Variants in IPO11 observed in about 807,000 individuals in gnomAD.
IPO11 encodes importin-11.
In IPO11, 66 loss-of-function variants were observed where a neutral mutation model predicts 143.2. That is an observed-to-expected ratio of 0.46 (90% CI 0.38 to 0.57). The LOEUF is 0.57. Among genes scored for constraint, IPO11 ranks in the 20% least tolerant of loss-of-function variants. The probability of loss-of-function intolerance (pLI) is 0.00; values close to 1 mark genes in which losing one functional copy is unlikely to be tolerated. For missense variants in IPO11, 1,026 were observed against 1,141.0 expected (o/e 0.90, Z 1.45); for synonymous variants, 385 against 377.8 (o/e 1.02, Z -0.22).
chr5:62,434,073 C>T (rs1022807700), intron 1 of IPO11, among the ~76,000 whole-genome samples: 1 of 152,200 alleles, frequency 6.6e-6, no homozygotes, highest in African/African-American at 2.4e-5. Context: ...TCTCCAACTT[C>T]ATTTTCCGCC....
intron 29 of IPO11, among the ~76,000 whole-genome samples, chr5:62,605,962 C>G (rs897443347): frequency 9.2e-5 from 14 of 152,078 alleles, no homozygotes; most frequent in Non-Finnish European, 2.1e-4. Flanking sequence ...AACTCTTAGG[C>G]TCAAGAGATC....
chr5:62,480,251 A>G (rs1052604328), intron 9 of IPO11, among the ~76,000 whole-genome samples: 1 of 152,000 alleles, frequency 6.6e-6, no homozygotes, highest in Non-Finnish European at 1.5e-5. Context: ...ATGGTTGTAG[A>G]TGTGTGGTGT....
At chr5:62,615,997 A>G (rs1746115796) in intron 29 of IPO11, among the ~76,000 whole-genome samples, 1 of 137,708 alleles carries the variant, frequency 7.3e-6, no homozygotes, top group South Asian at 2.5e-4. Flanking sequence ...CATTTGGATT[A>G]TCTAGATAGG....
At chr5:62,432,058 A>T (rs937698524) in intron 1 of IPO11, among the ~76,000 whole-genome samples, 1 of 152,170 alleles carries the variant, frequency 6.6e-6, no homozygotes, top group Non-Finnish European at 1.5e-5. Flanking sequence ...CTCAGCCCGA[A>T]AAAACTGAAA....
intron 7 of IPO11, among the ~76,000 whole-genome samples, chr5:62,471,296 T>G (rs1745765447): frequency 6.6e-6 from 1 of 151,832 alleles, no homozygotes; most frequent in Non-Finnish European, 1.5e-5. Flanking sequence ...GGTCTTTGGG[T>G]CTCCCCTACT....
At chr5:62,463,706 A>T (rs1029817969) in intron 5 of IPO11, among the ~76,000 whole-genome samples, 6 of 151,874 alleles carry the variant, frequency 4.0e-5, no homozygotes, top group African/African-American at 1.5e-4. Context: ...GAACTTAGTT[A>T]TACCAAAAAT....
At chr5:62,546,489 C>T (rs552259256) in intron 24 of IPO11, among the ~76,000 whole-genome samples, 4 of 152,084 alleles carry the variant, frequency 2.6e-5, no homozygotes, top group Non-Finnish European at 4.4e-5. Flanking sequence ...AGGAGATATA[C>T]CTAATGTAAA....
At chr5:62,490,934 C>A (rs781333827) in intron 15 of IPO11, among the ~76,000 whole-genome samples, 1 of 152,020 alleles carries the variant, frequency 6.6e-6, no homozygotes, top group African/African-American at 2.4e-5. Context: ...CCAATTCTTA[C>A]GTTTTATATA....
intron 3 of IPO11, among the ~76,000 whole-genome samples, chr5:62,448,851 G>A (rs772203445): frequency 4.6e-5 from 7 of 152,244 alleles, no homozygotes; most frequent in East Asian, 1.9e-4. Flanking sequence ...GAGCCACGAC[G>A]GCTGGCCCTT....
intron 27 of IPO11, among the ~76,000 whole-genome samples, chr5:62,590,411 A>G (rs905121602): frequency 3.3e-5 from 5 of 152,194 alleles, no homozygotes; most frequent in African/African-American, 1.2e-4. Flanking sequence ...TTTAGTGCCT[A>G]AAAACTTGTT....
In IPO11 at chr5:62,547,299, A is replaced by G. The variant is rs554823587; in HGVS notation, c.2251-3068A>G. ...GTTATAGGACCTGGCATTTTTCACT[A>G]TAAGAGAAATAATATCGGACCATTT... On this transcript the variant is annotated intron_variant, in intron 24 of 29. Coordinates refer to ENST00000325324, the MANE Select transcript of IPO11 (RefSeq NM_016338.5). Among the ~76,000 whole-genome samples, 37 of 152,302 alleles carry G rather than the reference A, an allele frequency of 2.4e-4. No individual in the cohort carries two copies. In the South Asian group the frequency reaches 3.1e-3, roughly 13 times the overall value.
At chr5:62,534,874 T>A (rs185463538) in intron 22 of IPO11, among the ~76,000 whole-genome samples, 4 of 152,150 alleles carry the variant, frequency 2.6e-5, no homozygotes, top group African/African-American at 9.7e-5. Flanking sequence ...ACCTATCTAT[T>A]GCATGATTGA....
chr5:62,614,862 G>A (rs564227507), intron 29 of IPO11, among the ~76,000 whole-genome samples: 1 of 152,156 alleles, frequency 6.6e-6, no homozygotes, highest in African/African-American at 2.4e-5. Flanking sequence ...TGAATGTGGG[G>A]GTTTTATTGA....
intron 20 of IPO11, among the ~76,000 whole-genome samples, chr5:62,516,839 C>G (rs1742040019): frequency 6.6e-6 from 1 of 151,664 alleles, no homozygotes; most frequent in Non-Finnish European, 1.5e-5. Flanking sequence ...CTCTTTTTAT[C>G]TTGTAAAACT....
chr5:62,438,830 C>T (rs1010729504), intron 2 of IPO11, among the ~76,000 whole-genome samples: 3 of 151,872 alleles, frequency 2.0e-5, no homozygotes, highest in Non-Finnish European at 4.4e-5. Flanking sequence ...GAGGCCAAGG[C>T]GGGCGAATCA....
chr5:62,418,876 C>T, intron 1 of IPO11: 2 of 996,822 alleles, frequency 2.0e-6, no homozygotes, highest in South Asian at 1.8e-5. Context: ...GCAGGGGTTT[C>T]TGTGATTATA....
intron 20 of IPO11, among the ~76,000 whole-genome samples, chr5:62,522,744 G>C (rs1421432930): frequency 6.6e-6 from 1 of 152,128 alleles, no homozygotes; most frequent in East Asian, 1.9e-4. Flanking sequence ...CCCTGTTCTT[G>C]ATTACCTGGT....
chr5:62,468,341 G>A (rs1477345860), intron 6 of IPO11, among the ~76,000 whole-genome samples: 1 of 152,192 alleles, frequency 6.6e-6, no homozygotes, highest in African/African-American at 2.4e-5. Flanking sequence ...AATCCCATCA[G>A]TCTTGGCATC....
At chr5:62,472,262 A>T (rs1403861074) in intron 7 of IPO11, among the ~76,000 whole-genome samples, 1 of 152,212 alleles carries the variant, frequency 6.6e-6, no homozygotes, top group Non-Finnish European at 1.5e-5. Flanking sequence ...TACTCTCATT[A>T]TATTAACCAG....
Sources: gnomAD v4.1 joint callset for allele counts (sites outside exome capture counted in the v4.1 genomes callset) on GRCh38, gnomAD v4.1.1 for gene constraint, MANE v1.5 for transcripts, NCBI Gene and HGNC (gene_info 2026-07-23, HGNC 2026-07-21) for gene names.